Variants in BIRC6 observed in about 807,000 individuals in gnomAD.
BIRC6 encodes the protein baculoviral IAP repeat containing 6.
BIRC6 carries 98 observed loss-of-function variants against 503.3 expected under a neutral mutation model. The observed-to-expected ratio is 0.19, with a 90% CI of 0.17 to 0.23. BIRC6 has a LOEUF of 0.23. BIRC6 is among the 10% of genes least tolerant of loss of function. The probability of loss-of-function intolerance (pLI) is 1.00; values close to 1 mark genes in which losing one functional copy is unlikely to be tolerated. For missense variants in BIRC6, 5,360 were observed against 5,806.0 expected, an observed-to-expected ratio of 0.92 and a Z score of 2.50; for synonymous variants, 2,240 against 2,078.7, an observed-to-expected ratio of 1.08 and a Z score of -2.11.
chr2:32,515,312 T>G lies in BIRC6; in HGVS notation c.10891T>G (p.Leu3631Val). The G allele has an allele frequency of 1.9e-6, 3 of 1,613,940 alleles. No individual in the cohort carries two copies. Among genetic ancestry groups the G allele is most frequent in the Non-Finnish European group, 2.5e-6 (3 of 1,179,896 alleles). ...EAIKQLLDSGLPSLLVRSLAS... is the reference protein window; with the variant it reads ...EAIKQLLDSGVPSLLVRSLAS... ...TATTAAACAATTACTAGACTCAGGT[T>G]TGCCTTCTCTTCTTGTGAGGAGTCT... Residue 3631 changes from leucine (L) to valine (V), a missense_variant, in exon 55 of 74, where the codon TTG (leucine) becomes GTG (valine). Physicochemically the swap from Leu to Val is conservative, Grantham distance 32. Coordinates refer to ENST00000421745, the MANE Select transcript of BIRC6 (RefSeq NM_016252.4).
chr2:32,487,564 T>A (rs1027683698), intron 40 of BIRC6, 83 bp from the exon 41 acceptor site: 5 of 1,218,646 alleles, frequency 4.1e-6, no homozygotes, highest in Non-Finnish European at 5.8e-6. Context: ...AAAAACAATT[T>A]AACCTATTTA....
At chr2:32,396,646 A>G (rs2039924902) in intron 6 of BIRC6, among the ~76,000 whole-genome samples, 1 of 152,218 alleles carries the variant, frequency 6.6e-6, no homozygotes, top group Non-Finnish European at 1.5e-5. Flanking sequence ...TTTTTTCCCT[A>G]TACATCCATA....
intron 6 of BIRC6, among the ~76,000 whole-genome samples, chr2:32,399,176 C>A (rs2040322670): frequency 6.6e-6 from 1 of 152,062 alleles, no homozygotes; most frequent in South Asian, 2.1e-4. Flanking sequence ...ACCCTTGCCT[C>A]CCAGGTTCAA....
chr2:32,494,053 CTT>C (rs2052099802), intron 45 of BIRC6, among the ~76,000 whole-genome samples: 1 of 152,084 alleles, frequency 6.6e-6, no homozygotes, highest in African/African-American at 2.4e-5. Context: ...GTATACTAAT[CTT>C]GTGTAGAAAT....
intron 39 of BIRC6, among the ~76,000 whole-genome samples, chr2:32,484,633 CTT>C (rs2050797724): frequency 1.3e-5 from 2 of 151,508 alleles, no homozygotes; most frequent in South Asian, 4.2e-4. Context: ...TCATGGTTGC[CTT>C]TTTTTATTCA....
intron 12 of BIRC6, among the ~76,000 whole-genome samples, chr2:32,432,755 A>G (rs115651759): frequency 0.02 from 2,939 of 146,536 alleles, 87 homozygotes; most frequent in African/African-American, 0.071. Flanking sequence ...GTGAGACCCC[A>G]TTTCGGAAAA....
chr2:32,595,081 C>A lies in BIRC6; in HGVS notation c.13549C>A (p.Pro4517Thr), dbSNP rs1202639583. 1.9e-6 allele frequency: 3 copies of A among 1,602,184 alleles called. No homozygotes were observed. The highest frequency in any genetic ancestry group is 2.5e-6 in the Non-Finnish European group (3 of 1,176,894). The change falls in exon 68 of 74, where the codon CCT (proline) becomes ACT (threonine). Residue 4517 changes from proline (P) to threonine (T), a missense_variant. Transcript: ENST00000421745. ...CAAGAAGGCGGCTATGAAACCCAAA[C>A]CTTTGTCAGTATTAAAGTCACTTGA... ...YSKKAAMKPK[P>T]LSVLKSLEEK...
At position 32,436,070 on chromosome 2, in the gene BIRC6, T is replaced by G; in HGVS notation, c.3517T>G (p.Phe1173Val). 7.0e-7 allele frequency: 1 copy of G among 1,432,884 alleles called. No homozygotes were observed. Among genetic ancestry groups the G allele is most frequent in the Non-Finnish European group, 9.3e-7 (1 of 1,076,572 alleles). 88.8% of individuals were successfully genotyped at this position (1,432,884 alleles called of 1,614,324 possible). ...CTTTTTAGGTCTTAGATTATGTCCA[T>G]TTTTGGAGGATCATAAAGAAGACAT... ...EESQCLRLCPFLEDHKEDILC... is the reference protein window; with the variant it reads ...EESQCLRLCPVLEDHKEDILC... The change falls in exon 15 of 74, where the codon TTT becomes GTT. Residue 1173 changes from phenylalanine to valine, a missense_variant. Coordinates refer to ENST00000421745, the MANE Select transcript of BIRC6 (RefSeq NM_016252.4).
intron 72 of BIRC6, among the ~76,000 whole-genome samples, chr2:32,611,108 C>CTTTTTTTTTTTTT (rs1245765148): frequency 1.5e-4 from 19 of 126,160 alleles, no homozygotes; most frequent in Admixed American, 6.7e-4. Flanking sequence ...ATTAAATTGC[C>CTTTTTTTTTTTTT]TTTTTTTTTT....
At position 32,611,538 on chromosome 2, in the gene BIRC6, AAGC is replaced by A; in HGVS notation, c.14351_14353del (p.Lys4784del). On this transcript the variant is annotated inframe_deletion, in exon 73 of 74. Coordinates refer to ENST00000421745, the MANE Select transcript of BIRC6 (RefSeq NM_016252.4). The stretch of plus-strand genomic sequence containing the variant: ...GGATATCCAGCAGTACAGCAGTGAT[AAGC>A]GGGTAGGCAGGACTATGTCTCACCA... The A allele has an allele frequency of 6.2e-7, 1 of 1,603,966 alleles. No individual in the cohort carries two copies. The highest frequency in any genetic ancestry group is 2.2e-5 in the East Asian group (1 of 44,460).
At position 32,430,859 on chromosome 2, in the gene BIRC6, G is replaced by C; in HGVS notation, c.3023-6G>C. 1.2e-6 allele frequency: 1 copy of C among 859,962 alleles called. No individual in the cohort carries two copies. 53.3% of individuals were successfully genotyped at this position (859,962 alleles called of 1,614,324 possible). A position where few individuals can be genotyped will look rare whatever the true frequency, so the allele number is the denominator to read the frequency against. On this transcript the variant is annotated splice_region_variant and splice_polypyrimidine_tract_variant and intron_variant, in intron 11 of 73. Transcript: ENST00000421745. ...TATTTCAAATACTGCTCTCACTAAT[G>C]TTAAGGAGTTGATTTATTGGTGGAC...
At chr2:32,611,368 ACTT>A in intron 72 of BIRC6, 77 bp from the exon 73 acceptor site, 2 of 1,077,554 alleles carry the variant, frequency 1.9e-6, no homozygotes, top group Non-Finnish European at 1.3e-6. Context: ...AATACATTTT[ACTT>A]CTTTGTAATG....
chr2:32,580,732 A>G (rs757306164), intron 66 of BIRC6, among the ~76,000 whole-genome samples: 12 of 152,210 alleles, frequency 7.9e-5, no homozygotes, highest in Non-Finnish European at 1.8e-4. Context: ...GTTTTGTCTC[A>G]GCAGATAGAG....
intron 4 of BIRC6, among the ~76,000 whole-genome samples, chr2:32,390,015 A>G (rs186285769): frequency 1.4e-4 from 21 of 152,156 alleles, no homozygotes; most frequent in Admixed American, 1.4e-3. Flanking sequence ...ATGTGCCACC[A>G]TACCGGGGCT....
rs1345802454 is a variant in BIRC6 at position 32,429,241 on chromosome 2, C to T, written c.2968C>T (p.Pro990Ser). ...VDGSLSKGIEPSSEGSKPLSN... is the reference protein window; with the variant it reads ...VDGSLSKGIESSSEGSKPLSN... ...TGGATCTCTTTCTAAAGGAATAGAA[C>T]CATCTTCAGAAGGTTCCAAACCTTT... The change falls in exon 11 of 74, where the codon CCA becomes TCA. Residue 990 changes from proline (P) to serine (S), a missense_variant. Physicochemically the swap from Pro to Ser is moderately conservative, Grantham distance 74. This residue lies in a region of BIRC6 where 700 missense variants were observed against 739.3 expected (regional missense o/e 0.95). Coordinates refer to ENST00000421745, the MANE Select transcript of BIRC6 (RefSeq NM_016252.4). 1.9e-6 allele frequency: 3 copies of T among 1,556,484 alleles called. No homozygotes were observed. The African/African-American group carries it at 4.1e-5, about 21-fold the overall frequency.
chr2:32,595,179 C>G (rs550641308), intron 68 of BIRC6, 35 bp downstream of exon 68: 2 of 1,366,438 alleles, frequency 1.5e-6, no homozygotes, highest in East Asian at 2.4e-5. Flanking sequence ...TAAGATCTCA[C>G]TTTCCATTTT....
At position 32,583,848 on chromosome 2, in the gene BIRC6, A is replaced by G. The variant is rs369555257; in HGVS notation, c.13355+8482A>G. 2.6e-5 allele frequency among the ~76,000 whole-genome samples: 4 copies of G among 152,180 alleles called. No individual in the cohort carries two copies. The South Asian group carries it at 6.2e-4, about 24-fold the overall frequency. ...TGGGTTCAAGTGATTTTTCTACCTC[A>G]GCCTCCCAAGTAACTGGAACTACAG... is the stretch of plus-strand genomic sequence containing the variant. On this transcript the variant is annotated intron_variant, in intron 66 of 73. Transcript: ENST00000421745.
In BIRC6 at chr2:32,440,728, T is replaced by C. The variant is rs550819485; in HGVS notation, c.3811-601T>C. On this transcript the variant is annotated intron_variant, in intron 16 of 73. Transcript: ENST00000421745. ...GAGCCTGACATATCTCACGTAGTTA[T>C]TTTATTTTATTGTGTTTATTTATTT... is the stretch of plus-strand genomic sequence containing the variant. 7.1e-4 allele frequency among the ~76,000 whole-genome samples: 106 copies of C among 150,212 alleles called. 3 individuals are homozygous for C. The highest frequency in any genetic ancestry group is 1.6e-4 in the Non-Finnish European group (11 of 67,550).
intron 1 of BIRC6, among the ~76,000 whole-genome samples, chr2:32,361,165 C>T (rs1266975240): frequency 6.6e-6 from 1 of 152,078 alleles, no homozygotes; most frequent in African/African-American, 2.4e-5. Flanking sequence ...GAACTCCTGA[C>T]CTCAAGTGAT....
Sources: allele counts gnomAD v4.1 joint callset (sites outside exome capture counted in the v4.1 genomes callset), GRCh38; gene constraint gnomAD v4.1.1; regional missense constraint gnomAD v4.1.1; transcripts MANE v1.5; gene names NCBI Gene and HGNC (gene_info 2026-07-23, HGNC 2026-07-21).